The following TAB1 variants were observed in gnomAD, a reference collection of about 807,000 sequenced individuals.
The protein encoded by TAB1 is TGF-beta-activated kinase 1 and MAP3K7-binding protein 1.
In TAB1, 30 loss-of-function variants were observed where a neutral mutation model predicts 54.5. The ratio of observed to expected loss-of-function variants is 0.55; its 90% confidence interval spans 0.41 to 0.75. The LOEUF (loss-of-function observed/expected upper bound fraction) is 0.75, where lower values mean the gene tolerates loss of function less well. Ranked by LOEUF, TAB1 falls within the 30% of genes least tolerant of loss-of-function variation. TAB1 has a pLI of 0.00. For missense variants in TAB1, 609 were observed against 683.2 expected (o/e 0.89, Z 1.21); for synonymous variants, 289 against 286.9 (o/e 1.01, Z -0.07).
chr22:39,407,250 C>T (rs1432253075), intron 1 of TAB1, among the ~76,000 whole-genome samples: 2 of 152,182 alleles, frequency 1.3e-5, no homozygotes, highest in Admixed American at 6.6e-5. Context: ...GATTTGCATA[C>T]TTTGATTTTC....
At chr22:39,411,078 A>AT (rs1398185668) in intron 1 of TAB1, among the ~76,000 whole-genome samples, 1 of 152,186 alleles carries the variant, frequency 6.6e-6, no homozygotes, top group Admixed American at 6.5e-5. Flanking sequence ...TTTTCAACAA[A>AT]TGGTGTTGGA....
intron 1 of TAB1, among the ~76,000 whole-genome samples, chr22:39,406,750 C>T (rs1015369161): frequency 8.6e-5 from 13 of 152,040 alleles, no homozygotes; most frequent in Non-Finnish European, 1.5e-4. Context: ...CTCCTGCCTC[C>T]GCCTCTGGAG....
chr22:39,421,682 CCTT>C (rs1331752561), intron 7 of TAB1, 142 bp from the exon 8 acceptor site: 1 of 872,840 alleles, frequency 1.1e-6, no homozygotes, highest in Non-Finnish European at 1.7e-6. Context: ...ATTTTTCTGA[CCTT>C]CTCTTTCTCT....
At chr22:39,434,658 A>G (rs948894654), downstream of TAB1, among the ~76,000 whole-genome samples, 32 of 152,224 alleles carry the variant, frequency 2.1e-4, no homozygotes, top group Non-Finnish European at 4.0e-4. Context: ...GCTTTGAGAA[A>G]TACTGACACC....
chr22:39,419,418 G>A (rs1926975282), intron 6 of TAB1, 101 bp from the exon 7 acceptor site: 1 of 937,394 alleles, frequency 1.1e-6, no homozygotes, highest in African/African-American at 1.6e-5. Context: ...CCTATTCAGT[G>A]GGTCCTTATT....
chr22:39,405,891 C>T lies in TAB1; in HGVS notation c.33+6056C>T, dbSNP rs1242772339. Among the ~76,000 whole-genome samples, 8 of 152,280 alleles carry T rather than the reference C, an allele frequency of 5.3e-5. No individual in the cohort carries two copies. In the East Asian group the frequency reaches 7.7e-4, roughly 15 times the overall value. On this transcript the variant is annotated intron_variant, in intron 1 of 10. Transcript: ENST00000216160. ...CTTGGTAGAACCTCCTGAGGTTCTC[C>T]GGCCACTGTAGTGAACCAGTGTCTG...
Position 39,399,808 on chromosome 22 carries a change from G to T in TAB1, c.6G>T (p.Ala2=). 1 of 1,596,374 alleles carries T rather than the reference G, an allele frequency of 6.3e-7. No individual in the cohort carries two copies. Among genetic ancestry groups the T allele is most frequent in the South Asian group, 1.1e-5 (1 of 88,100 alleles). The change falls in exon 1 of 11, where the codon GCG becomes GCT. Residue 2 remains alanine, a synonymous_variant. Transcript: ENST00000216160. M[A]AQRRSLLQSE... is the part of the protein sequence containing the mutation. ...CCCGCAGGGGTTCCTCCAAGATGGCGGCGCAGAGGAGGAGCTTGCTGCAGA... is the reference window on the plus strand; with the variant it reads ...CCCGCAGGGGTTCCTCCAAGATGGCTGCGCAGAGGAGGAGCTTGCTGCAGA...
chr22:39,423,781 T>G (rs1451578632), intron 8 of TAB1, among the ~76,000 whole-genome samples: 2 of 152,140 alleles, frequency 1.3e-5, no homozygotes, highest in Non-Finnish European at 2.9e-5. Flanking sequence ...AAGTAATGTA[T>G]AGTGTTTTAT....
intron 9 of TAB1, among the ~76,000 whole-genome samples, 185 bp downstream of exon 9, chr22:39,427,110 G>A (rs372771569): frequency 6.6e-6 from 1 of 152,232 alleles, no homozygotes; most frequent in Admixed American, 6.5e-5. Context: ...TCTTTTGTCT[G>A]TAAAATGAGG....
chr22:39,422,795 C>T (rs1927154049), intron 8 of TAB1, among the ~76,000 whole-genome samples: 1 of 152,058 alleles, frequency 6.6e-6, no homozygotes, highest in African/African-American at 2.4e-5. Context: ...CCAAGAGTTG[C>T]TTATTTTTCT....
At chr22:39,416,055 TGAGG>T (rs959958044) in intron 3 of TAB1, among the ~76,000 whole-genome samples, 1 of 152,194 alleles carries the variant, frequency 6.6e-6, no homozygotes, top group African/African-American at 2.4e-5. Context: ...CTCCCCTTTC[TGAGG>T]GGCCGCCGCC....
downstream of TAB1, among the ~76,000 whole-genome samples, chr22:39,435,744 C>T (rs1382951698): frequency 6.6e-6 from 1 of 152,172 alleles, no homozygotes; most frequent in African/African-American, 2.4e-5. Flanking sequence ...GAGCCTGGCT[C>T]TACAGCACAG....
intron 8 of TAB1, among the ~76,000 whole-genome samples, chr22:39,423,846 A>G (rs2019134123): frequency 6.6e-6 from 1 of 151,600 alleles, no homozygotes; most frequent in African/African-American, 2.4e-5. Flanking sequence ...TAACTAATGT[A>G]TAGTGTTTTA....
At chr22:39,416,107 G>T (rs1926822889) in intron 3 of TAB1, among the ~76,000 whole-genome samples, 1 of 152,156 alleles carries the variant, frequency 6.6e-6, no homozygotes, top group Non-Finnish European at 1.5e-5. Context: ...TGCGCTGTTG[G>T]CAGTTTTCCT....
Position 39,423,755 on chromosome 22 carries a change from C to T in TAB1, c.921+1784C>T, listed in dbSNP as rs192669338. Among the ~76,000 whole-genome samples, 11 of 151,174 alleles carry T rather than the reference C, an allele frequency of 7.3e-5. No homozygotes were observed. In the East Asian group the frequency reaches 2.3e-3, roughly 32 times the overall value. On this transcript the variant is annotated intron_variant, in intron 8 of 10. Coordinates refer to ENST00000216160, the MANE Select transcript of TAB1 (RefSeq NM_006116.3). ...TGAGATCTTAGTAAACCAGTTATTC[C>T]AGTAGTGTACATTGTAAGTAATGTA...
At chr22:39,421,691 T>C in intron 7 of TAB1, 136 bp from the exon 8 acceptor site, 1 of 959,806 alleles carries the variant, frequency 1.0e-6, no homozygotes, top group Non-Finnish European at 1.5e-6. Context: ...ACCTTCTCTT[T>C]CTCTCTTTTC....
At chr22:39,414,013 C>T (rs1326896312) in intron 1 of TAB1, among the ~76,000 whole-genome samples, 1 of 152,114 alleles carries the variant, frequency 6.6e-6, no homozygotes, top group African/African-American at 2.4e-5. Context: ...GGGCCTGGAC[C>T]GCTGTGTGAG....
chr22:39,425,763 G>A (rs1394985674), intron 8 of TAB1, among the ~76,000 whole-genome samples: 2 of 151,400 alleles, frequency 1.3e-5, no homozygotes, highest in Non-Finnish European at 2.9e-5. Flanking sequence ...AGCCAGGATG[G>A]TCTCGATCTC....
Position 39,426,693 on chromosome 22 carries a change from C to T in TAB1, c.922-10C>T, listed in dbSNP as rs1482813975. 3 of 1,590,942 alleles carry T rather than the reference C, an allele frequency of 1.9e-6. No individual in the cohort carries two copies. The highest frequency in any genetic ancestry group is 8.6e-7 in the Non-Finnish European group (1 of 1,162,614). ...GTTCCTTACCAGGTTCTTCCTACCCCCTCCCCCAGGAGATTGCTGCGATGA... is the reference window on the plus strand; with the variant it reads ...GTTCCTTACCAGGTTCTTCCTACCCTCTCCCCCAGGAGATTGCTGCGATGA... On this transcript the variant is annotated splice_polypyrimidine_tract_variant and intron_variant, in intron 8 of 10. Coordinates refer to ENST00000216160, the MANE Select transcript of TAB1 (RefSeq NM_006116.3).
Sources: gnomAD v4.1 joint callset for allele counts (sites outside exome capture counted in the v4.1 genomes callset) on GRCh38, gnomAD v4.1.1 for gene constraint, MANE v1.5 for transcripts, NCBI Gene and HGNC (gene_info 2026-07-23, HGNC 2026-07-21) for gene names.